The following ZNF532 variants were observed in gnomAD, a reference collection of about 807,000 sequenced individuals.
The protein encoded by ZNF532 is zinc finger protein 532.
In ZNF532, 22 loss-of-function variants were observed where a neutral mutation model predicts 89.3. That is an observed-to-expected ratio of 0.25 (90% confidence interval 0.18 to 0.35). The LOEUF is 0.35. ZNF532 is among the 10% of genes least tolerant of loss of function. ZNF532 has a pLI of 1.00. For synonymous variants in ZNF532, 606 were observed against 649.6 expected, an observed-to-expected ratio of 0.93 and a Z score of 1.02; for missense variants, 1,132 against 1,643.4, an observed-to-expected ratio of 0.69 and a Z score of 5.38.
chr18:58,941,965 T>C lies in ZNF532; in HGVS notation c.2705+2344T>C, dbSNP rs529021247. Among the ~76,000 whole-genome samples the C allele has an allele frequency of 5.5e-4, 67 of 121,682 alleles. 1 individual carries two copies. Among genetic ancestry groups the C allele is most frequent in the Middle Eastern group, 4.1e-3 (1 of 244 alleles). 79.8% of individuals were successfully genotyped at this position (121,682 alleles called of 152,430 possible). A position where few individuals can be genotyped will look rare whatever the true frequency, so the allele number is the denominator to read the frequency against. On this transcript the variant is annotated intron_variant, in intron 5 of 9. Transcript: ENST00000591808. The stretch of plus-strand genomic sequence containing the variant: ...TTCTTTCCTTTCCTCCCTCCCTCTC[T>C]CCCTCCCTCCCTCCTTCCCTCCTTC...
intron 2 of ZNF532, among the ~76,000 whole-genome samples, chr18:58,909,441 T>C (rs2060145947): frequency 6.6e-6 from 1 of 152,138 alleles, no homozygotes; most frequent in Non-Finnish European, 1.5e-5. Flanking sequence ...GGACTAAAGA[T>C]AGAAACCCGT....
At chr18:58,937,608 A>T (rs533384258) in intron 4 of ZNF532, among the ~76,000 whole-genome samples, 3 of 152,190 alleles carry the variant, frequency 2.0e-5, no homozygotes, top group South Asian at 4.2e-4. Context: ...TTTAAACACC[A>T]TCTTTCTATC....
At chr18:58,975,396 C>T (rs762568035) in intron 7 of ZNF532, among the ~76,000 whole-genome samples, 1 of 152,164 alleles carries the variant, frequency 6.6e-6, no homozygotes, top group Non-Finnish European at 1.5e-5. Flanking sequence ...TGACTTTTCT[C>T]CCTCTAACTT....
At chr18:58,921,896 A>G (rs1345272149) in intron 3 of ZNF532, among the ~76,000 whole-genome samples, 1 of 152,166 alleles carries the variant, frequency 6.6e-6, no homozygotes, top group Admixed American at 6.5e-5. Flanking sequence ...GCCTGAGCTC[A>G]GGAGTTCGAG....
intron 7 of ZNF532, among the ~76,000 whole-genome samples, chr18:58,976,090 T>TAACA (rs1234105430): frequency 5.9e-5 from 9 of 152,240 alleles, no homozygotes; most frequent in African/African-American, 2.2e-4. Context: ...ATTTAAAATC[T>TAACA]AACAGAGGAA....
intron 3 of ZNF532, among the ~76,000 whole-genome samples, chr18:58,930,518 C>T (rs922300979): frequency 5.3e-5 from 8 of 150,760 alleles, no homozygotes; most frequent in Non-Finnish European, 8.8e-5. Context: ...GTCCCAGCTA[C>T]TTGGGAGGCT....
At chr18:58,936,195 T>A (rs1262873910) in intron 4 of ZNF532, among the ~76,000 whole-genome samples, 1 of 152,240 alleles carries the variant, frequency 6.6e-6, no homozygotes, top group Non-Finnish European at 1.5e-5. Flanking sequence ...TGGTGCATTG[T>A]CTGCCTCCAG....
At chr18:58,880,303 A>G (rs960116560) in intron 2 of ZNF532, among the ~76,000 whole-genome samples, 1 of 152,228 alleles carries the variant, frequency 6.6e-6, no homozygotes, top group African/African-American at 2.4e-5. Flanking sequence ...ATTTGGAGCC[A>G]TTTTGAGATC....
At chr18:58,954,311 T>C in intron 7 of ZNF532, 1 of 970,906 alleles carries the variant, frequency 1.0e-6, no homozygotes, top group Non-Finnish European at 1.2e-6. Context: ...GAGTCACATA[T>C]GTATATCCTT....
At chr18:58,968,379 C>T (rs894420087) in intron 7 of ZNF532, among the ~76,000 whole-genome samples, 3 of 152,256 alleles carry the variant, frequency 2.0e-5, no homozygotes, top group Non-Finnish European at 4.4e-5. Flanking sequence ...TTCCTTCCAG[C>T]TCGGCTTCCA....
At chr18:58,909,812 T>C (rs1396972675) in intron 2 of ZNF532, among the ~76,000 whole-genome samples, 1 of 152,188 alleles carries the variant, frequency 6.6e-6, no homozygotes, top group Non-Finnish European at 1.5e-5. Flanking sequence ...AGGGAGGCGC[T>C]ATGGCCACCT....
chr18:58,935,952 G>A (rs2062434756), intron 4 of ZNF532, among the ~76,000 whole-genome samples: 1 of 151,994 alleles, frequency 6.6e-6, no homozygotes, highest in African/African-American at 2.4e-5. Context: ...GTTCCTAGGT[G>A]GTTCTGCCCA....
At chr18:58,918,107 C>T (rs371493637) in intron 2 of ZNF532, among the ~76,000 whole-genome samples, 164 bp from the exon 3 acceptor site, 9 of 152,124 alleles carry the variant, frequency 5.9e-5, no homozygotes, top group African/African-American at 1.9e-4. Context: ...TGTATTTTCT[C>T]GATGTTTGTC....
At chr18:58,983,906 C>A (rs1054912072) in intron 9 of ZNF532, 66 bp from the exon 10 acceptor site, 1 of 1,534,508 alleles carries the variant, frequency 6.5e-7, no homozygotes, top group South Asian at 1.3e-5. Context: ...GTAAGAGAAC[C>A]GATCATTTAT....
chr18:58,884,198 G>C (rs1218967604), intron 2 of ZNF532, among the ~76,000 whole-genome samples: 1 of 152,226 alleles, frequency 6.6e-6, no homozygotes, highest in East Asian at 1.9e-4. Context: ...GGCCAATATG[G>C]TGAAACCCTG....
chr18:58,948,378 C>A, intron 6 of ZNF532, 149 bp downstream of exon 6: 5 of 699,830 alleles, frequency 7.1e-6, no homozygotes, highest in Non-Finnish European at 1.2e-5. Flanking sequence ...AACTTACATG[C>A]TGTCATCATG....
intron 3 of ZNF532, among the ~76,000 whole-genome samples, chr18:58,921,970 G>GGT (rs1462440521): frequency 6.6e-6 from 1 of 152,060 alleles, no homozygotes; most frequent in East Asian, 1.9e-4. Context: ...AGCCGGGCTT[G>GGT]GTGGTGCATG....
intron 3 of ZNF532, 116 bp downstream of exon 3, chr18:58,920,749 TG>T: frequency 4.9e-6 from 2 of 411,584 alleles, no homozygotes; most frequent in Admixed American, 8.9e-5. Context: ...TGTGTGTGTG[TG>T]TGTGTGTGTG....
chr18:58,942,767 A>G (rs1249427043), intron 5 of ZNF532, among the ~76,000 whole-genome samples: 2 of 152,214 alleles, frequency 1.3e-5, no homozygotes, highest in African/African-American at 2.4e-5. Context: ...CTGTTTACAT[A>G]AGTCCAAAAT....
Sources: allele counts gnomAD v4.1 joint callset (sites outside exome capture counted in the v4.1 genomes callset), GRCh38; gene constraint gnomAD v4.1.1; transcripts MANE v1.5; gene names NCBI Gene and HGNC (gene_info 2026-07-23, HGNC 2026-07-21).